CFAP52: variants seen among roughly 807,000 people sequenced by gnomAD.
The protein encoded by CFAP52 is cilia- and flagella-associated protein 52.
Under a neutral mutation model 70.5 loss-of-function variants are expected in CFAP52, and 57 were observed. The ratio of observed to expected loss-of-function variants is 0.81; its 90% CI spans 0.65 to 1.01. The LOEUF is 1.01. Among genes scored for constraint, CFAP52 ranks in the 50% least tolerant of loss-of-function variants. The pLI is 0.00. For missense variants in CFAP52, 785 were observed against 788.5 expected, an observed-to-expected ratio of 1.00 and a Z score of 0.05; for synonymous variants, 267 against 292.5, an observed-to-expected ratio of 0.91 and a Z score of 0.89.
In CFAP52 at chr17:9,593,558, C is replaced by T. The variant is rs543157320; in HGVS notation, c.408-635C>T. On this transcript the variant is annotated intron_variant, in intron 3 of 13. Transcript: ENST00000352665. Reference sequence around the variant, plus strand: ...GCGACCTCCACCTCCCGGATTCAAGCGATTCTCCTGCCTCAGCCTCCTGAG... The same window carrying T: ...GCGACCTCCACCTCCCGGATTCAAGTGATTCTCCTGCCTCAGCCTCCTGAG... Among the ~76,000 whole-genome samples the T allele has an allele frequency of 1.8e-4, 27 of 152,216 alleles. No homozygotes were observed. The East Asian group carries it at 4.5e-3, about 25-fold the overall frequency.
chr17:9,594,042 A>T (rs1908883862), intron 3 of CFAP52, 151 bp from the exon 4 acceptor site: 51 of 1,083,794 alleles, frequency 4.7e-5, no homozygotes, highest in Non-Finnish European at 5.5e-5. Context: ...AGTGTAGTTG[A>T]GGAGATGTCA....
At chr17:9,609,432 C>T (rs1016278715) in intron 7 of CFAP52, among the ~76,000 whole-genome samples, 15 of 152,154 alleles carry the variant, frequency 9.9e-5, no homozygotes, top group Non-Finnish European at 4.4e-5. Context: ...CAGTGGCTCA[C>T]GCCTGCAATC....
chr17:9,629,839 C>T (rs1237141743), intron 9 of CFAP52, among the ~76,000 whole-genome samples: 2 of 152,084 alleles, frequency 1.3e-5, no homozygotes, highest in Admixed American at 1.3e-4. Context: ...ATCCACCCGC[C>T]TCGGCCTCCC....
intron 1 of CFAP52, among the ~76,000 whole-genome samples, 163 bp downstream of exon 1, chr17:9,576,928 C>T (rs751326025): frequency 7.9e-5 from 12 of 152,234 alleles, no homozygotes; most frequent in Admixed American, 2.6e-4. Flanking sequence ...GCCTGACCTG[C>T]CCCAAGGCCT....
At chr17:9,642,841 C>G (rs988109901) in intron 13 of CFAP52, among the ~76,000 whole-genome samples, 182 bp from the exon 14 acceptor site, 2 of 152,112 alleles carry the variant, frequency 1.3e-5, no homozygotes, top group African/African-American at 4.8e-5. Context: ...GATTTTACCT[C>G]TTTGTATTTC....
chr17:9,622,525 A>T (rs1164551107), intron 8 of CFAP52, among the ~76,000 whole-genome samples: 1 of 151,896 alleles, frequency 6.6e-6, no homozygotes, highest in Non-Finnish European at 1.5e-5. Context: ...TGGGTGACAG[A>T]GTAAGACCCT....
At position 9,608,162 on chromosome 17, in the gene CFAP52, T is replaced by C; in HGVS notation, c.797T>C (p.Val266Ala). The part of the protein sequence containing the change: ...IRCLKMGGLL[V>A]GSGAGLLVFC... Reference sequence around the variant, plus strand: ...TGCCTGAAGATGGGGGGTTTGTTGGTGGGCTCTGGAGCCGGACTGCTGGTC... The same window carrying C: ...TGCCTGAAGATGGGGGGTTTGTTGGCGGGCTCTGGAGCCGGACTGCTGGTC... Residue 266 changes from valine to alanine, a missense_variant, in exon 7 of 14, where the codon GTG (valine) becomes GCG (alanine). Physicochemically the swap from Val to Ala is moderately conservative, Grantham distance 64. Transcript: ENST00000352665. The C allele has an allele frequency of 6.2e-7, 1 of 1,612,954 alleles. No individual in the cohort carries two copies. The highest frequency in any genetic ancestry group is 1.1e-5 in the South Asian group (1 of 90,914).
intron 8 of CFAP52, among the ~76,000 whole-genome samples, chr17:9,626,827 T>C (rs543346966): frequency 5.3e-5 from 8 of 152,322 alleles, no homozygotes; most frequent in Non-Finnish European, 2.9e-5. Context: ...AAGCATTAAA[T>C]GTGTGGAAGG....
In CFAP52 at chr17:9,631,004, A is replaced by AAAAG. The variant is rs1399933000; in HGVS notation, c.1175-1883_1175-1882insAAGA. 1.8e-3 allele frequency among the ~76,000 whole-genome samples: 92 copies of AAAAG among 51,766 alleles called. 1 individual carries two copies. Among genetic ancestry groups the AAAAG allele is most frequent in the Middle Eastern group, 0.022 (2 of 92 alleles). 34.0% of individuals were successfully genotyped at this position (51,766 alleles called of 152,430 possible). A position where few individuals can be genotyped will look rare whatever the true frequency, so the allele number is the denominator to read the frequency against. On this transcript the variant is annotated intron_variant, in intron 9 of 13. Transcript: ENST00000352665. ...CCATCTCAAAAAAAAGAAAGAAAGA[A>AAAAG]AGAAAGAAAGAAAGAAAGAAAGAAA...
intron 6 of CFAP52, among the ~76,000 whole-genome samples, 172 bp downstream of exon 6, chr17:9,600,355 C>T (rs752780108): frequency 6.6e-6 from 1 of 152,122 alleles, no homozygotes; most frequent in Non-Finnish European, 1.5e-5. Context: ...GATTGTCCCA[C>T]CTCAGCCTCT....
chr17:9,640,720 T>G (rs1911014015), intron 12 of CFAP52, among the ~76,000 whole-genome samples: 1 of 152,074 alleles, frequency 6.6e-6, no homozygotes, highest in Admixed American at 6.5e-5. Context: ...TGCAACCTCC[T>G]ACAACTTTCA....
intron 6 of CFAP52, among the ~76,000 whole-genome samples, chr17:9,604,539 G>T (rs563435753): frequency 1.3e-5 from 2 of 151,832 alleles, no homozygotes; most frequent in African/African-American, 4.8e-5. Context: ...AGGCTGAGGC[G>T]GGCCGATCAC....
chr17:9,598,336 A>C lies in CFAP52; in HGVS notation c.636+3A>C. ...AAAGAATAGTCATGAGTATTGGAGT[A>C]AGTATTAATTTAAGTATTAAGTAAC... On this transcript the variant is annotated splice_donor_region_variant and intron_variant, in intron 5 of 13. Transcript: ENST00000352665. 6.2e-7 allele frequency: 1 copy of C among 1,607,070 alleles called. No homozygotes were observed. The highest frequency in any genetic ancestry group is 2.2e-5 in the East Asian group (1 of 44,828).
downstream of CFAP52, chr17:9,643,463 G>A: frequency 3.3e-6 from 1 of 305,412 alleles, no homozygotes; most frequent in Non-Finnish European, 5.9e-6. Context: ...GTTATAATTT[G>A]TTTTCTGCAA....
intron 9 of CFAP52, among the ~76,000 whole-genome samples, chr17:9,631,154 C>T (rs371347534): frequency 2.6e-5 from 4 of 151,674 alleles, no homozygotes; most frequent in African/African-American, 9.7e-5. Context: ...GTCTTTTACC[C>T]TCTAAGAGTA....
At chr17:9,601,352 G>T (rs956109301) in intron 6 of CFAP52, among the ~76,000 whole-genome samples, 9 of 151,800 alleles carry the variant, frequency 5.9e-5, no homozygotes, top group African/African-American at 2.2e-4. Flanking sequence ...CATGGCACAT[G>T]TATACATATG....
At chr17:9,582,834 G>A (rs1018008235) in intron 1 of CFAP52, among the ~76,000 whole-genome samples, 5 of 152,048 alleles carry the variant, frequency 3.3e-5, no homozygotes, top group Non-Finnish European at 7.4e-5. Context: ...ACAGGGTTTC[G>A]CCATATTGGC....
intron 8 of CFAP52, among the ~76,000 whole-genome samples, chr17:9,614,968 T>G (rs193264352): frequency 2.0e-5 from 3 of 152,316 alleles, no homozygotes; most frequent in Admixed American, 6.5e-5. Flanking sequence ...ATTAGCACAG[T>G]TAGAAAGAGT....
chr17:9,592,688 A>G (rs1055749282), intron 3 of CFAP52, among the ~76,000 whole-genome samples: 1 of 151,960 alleles, frequency 6.6e-6, no homozygotes. Context: ...TGTGGCATGC[A>G]CAGTATTTCA....
Sources: allele counts gnomAD v4.1 joint callset (sites outside exome capture counted in the v4.1 genomes callset), GRCh38; gene constraint gnomAD v4.1.1; transcripts MANE v1.5; gene names NCBI Gene and HGNC (gene_info 2026-07-23, HGNC 2026-07-21).